MYO6: variants seen among roughly 807,000 people sequenced by gnomAD.
MYO6 encodes myosin VI, also known as unconventional myosin-VI.
A neutral mutation model predicts 178.7 loss-of-function variants in MYO6; 74 were observed. The ratio of observed to expected loss-of-function variants is 0.41; its 90% confidence interval spans 0.34 to 0.50. The LOEUF is 0.50. Ranked by LOEUF, MYO6 falls within the 20% of genes least tolerant of loss-of-function variation. The probability of loss-of-function intolerance (pLI) is 0.09; values close to 1 mark genes in which losing one functional copy is unlikely to be tolerated. For missense variants in MYO6, 1,330 were observed against 1,547.4 expected, an observed-to-expected ratio of 0.86 and a Z score of 2.36; for synonymous variants, 477 against 504.6, an observed-to-expected ratio of 0.95 and a Z score of 0.73.
chr6:75,866,275 C>CTGTGTGTGTGTG (rs10687890), intron 16 of MYO6, among the ~76,000 whole-genome samples: 1,194 of 119,186 alleles, frequency 0.01, 4 homozygotes, highest in Middle Eastern at 0.024. Context: ...GTCTCTGTCT[C>CTGTGTGTGTGTG]TGTGTGTGTG....
chr6:75,862,145 G>A (rs1168087577), intron 15 of MYO6, among the ~76,000 whole-genome samples: 1 of 152,186 alleles, frequency 6.6e-6, no homozygotes. Context: ...AATTTCAAAC[G>A]AATGGAAAGA....
At position 75,915,023 on chromosome 6, in the gene MYO6, C is replaced by G; in HGVS notation, c.*11C>G. ...AGTCTGTTAAAGTAGATGTTGCACA[C>G]CAGCCTTACAGCTGGGAGCCTTTGC... is the stretch of plus-strand genomic sequence containing the variant. On this transcript the variant is annotated 3_prime_UTR_variant, in exon 35 of 35. Coordinates refer to ENST00000369977, the MANE Select transcript of MYO6 (RefSeq NM_004999.4). 6.2e-7 allele frequency: 1 copy of G among 1,608,574 alleles called. No homozygotes were observed. The highest frequency in any genetic ancestry group is 2.2e-5 in the East Asian group (1 of 44,748).
At chr6:75,790,337 G>A (rs1479562912) in intron 1 of MYO6, among the ~76,000 whole-genome samples, 2 of 147,452 alleles carry the variant, frequency 1.4e-5, no homozygotes, top group African/African-American at 2.5e-5. Flanking sequence ...CAATAAATTT[G>A]TTTTCTAATT....
intron 33 of MYO6, among the ~76,000 whole-genome samples, chr6:75,912,642 A>G (rs1780848042): frequency 6.6e-6 from 1 of 152,092 alleles, no homozygotes; most frequent in Admixed American, 6.5e-5. Context: ...AATTTCCTGT[A>G]AACTGGACAT....
chr6:75,787,676 TTCTCTCTCTCTCTCTCTCTCTC>T lies in MYO6; in HGVS notation c.-47-29791_-47-29770del, dbSNP rs765565236. On this transcript the variant is annotated intron_variant, in intron 1 of 34. Coordinates refer to ENST00000369977, the MANE Select transcript of MYO6 (RefSeq NM_004999.4). ...ATATATATATGGGGGAATGGAACTA[TTCTCTCTCTCTCTCTCTCTCTC>T]TCTCTCTCTCTCTCTCTCTCTCTCT... Among the ~76,000 whole-genome samples, 196 of 24,988 alleles carry T rather than the reference TTCTCTCTCTCTCTCTCTCTCTC, an allele frequency of 7.8e-3. 4 individuals are homozygous for T. Among genetic ancestry groups the T allele is most frequent in the African/African-American group, 0.027 (116 of 4,282 alleles). The allele number at this position is 24,988 out of a possible 152,430, so 16.4% of individuals were successfully genotyped here. A position where few individuals can be genotyped will look rare whatever the true frequency, so the allele number is the denominator to read the frequency against.
In MYO6 at chr6:75,840,695, A is replaced by G; in HGVS notation, c.651+13A>G. ...TTTTAATGAAAAGGTAAGTGAGAGT[A>G]AGCTTTGGAATGATATTTTTGGGGA... On this transcript the variant is annotated intron_variant, in intron 8 of 34. Transcript: ENST00000369977. 2 of 1,576,324 alleles carry G rather than the reference A, an allele frequency of 1.3e-6. No individual in the cohort carries two copies. The highest frequency in any genetic ancestry group is 1.7e-6 in the Non-Finnish European group (2 of 1,146,090).
intron 1 of MYO6, among the ~76,000 whole-genome samples, chr6:75,776,521 C>T (rs552907205): frequency 6.6e-6 from 1 of 152,146 alleles, no homozygotes; most frequent in Non-Finnish European, 1.5e-5. Flanking sequence ...CAAAATAATA[C>T]AGCGGTTGGC....
chr6:75,863,896 C>G (rs1020561931), intron 16 of MYO6, among the ~76,000 whole-genome samples: 5 of 152,110 alleles, frequency 3.3e-5, no homozygotes, highest in African/African-American at 1.2e-4. Context: ...CTGTGTTCAC[C>G]TCTTCTGAAC....
At chr6:75,767,297 A>T (rs1484137903) in intron 1 of MYO6, among the ~76,000 whole-genome samples, 1 of 152,030 alleles carries the variant, frequency 6.6e-6, no homozygotes, top group Non-Finnish European at 1.5e-5. Flanking sequence ...GAGTGTTGGG[A>T]TTACAGCCGT....
At chr6:75,796,329 T>C (rs907721928) in intron 1 of MYO6, among the ~76,000 whole-genome samples, 1 of 152,202 alleles carries the variant, frequency 6.6e-6, no homozygotes, top group Non-Finnish European at 1.5e-5. Flanking sequence ...CATACTTTTT[T>C]CCCCCTTCTT....
At chr6:75,826,119 C>T (rs778096465) in intron 3 of MYO6, among the ~76,000 whole-genome samples, 1 of 152,142 alleles carries the variant, frequency 6.6e-6, no homozygotes, top group African/African-American at 2.4e-5. Flanking sequence ...ATTTGTGAGG[C>T]CCTTGTGGAC....
intron 9 of MYO6, 40 bp downstream of exon 9, chr6:75,841,418 G>T (rs1460841643): frequency 6.3e-7 from 1 of 1,582,946 alleles, no homozygotes; most frequent in East Asian, 2.2e-5. Context: ...GCCAGGTGCA[G>T]TGGCTCATGC....
chr6:75,805,473 T>C (rs1226385103), intron 1 of MYO6, among the ~76,000 whole-genome samples: 1 of 152,200 alleles, frequency 6.6e-6, no homozygotes, highest in Non-Finnish European at 1.5e-5. Flanking sequence ...TATAGTGGTG[T>C]ATGTTTTTGT....
intron 1 of MYO6, among the ~76,000 whole-genome samples, chr6:75,783,490 T>C (rs994816335): frequency 6.6e-6 from 1 of 152,146 alleles, no homozygotes; most frequent in African/African-American, 2.4e-5. Context: ...TAGAGGTCTT[T>C]ATTTTAATAA....
intron 1 of MYO6, among the ~76,000 whole-genome samples, chr6:75,779,056 CAAAAAAA>C (rs142469441): frequency 1.5e-4 from 10 of 64,554 alleles, no homozygotes; most frequent in African/African-American, 3.3e-4. Context: ...GACTTTGTCT[CAAAAAAA>C]AAAAAAAAAA....
intron 1 of MYO6, among the ~76,000 whole-genome samples, chr6:75,779,852 C>T (rs1766780751): frequency 6.6e-6 from 1 of 152,220 alleles, no homozygotes; most frequent in South Asian, 2.1e-4. Context: ...TAGCTTGTTA[C>T]ACTTTTCATT....
At chr6:75,846,850 C>T (rs989462407) in intron 10 of MYO6, among the ~76,000 whole-genome samples, 4 of 152,062 alleles carry the variant, frequency 2.6e-5, no homozygotes, top group Non-Finnish European at 4.4e-5. Flanking sequence ...AAATTGCCCT[C>T]TTATTCTAGA....
intron 1 of MYO6, among the ~76,000 whole-genome samples, chr6:75,793,738 C>T (rs1361611625): frequency 1.3e-5 from 2 of 152,130 alleles, no homozygotes; most frequent in Admixed American, 6.6e-5. Context: ...AAACATTGGA[C>T]TTCTTGATAA....
In MYO6 at chr6:75,858,888, T is replaced by G. The variant is rs1364825966; in HGVS notation, c.1382-14T>G. 4 of 1,537,718 alleles carry G rather than the reference T, an allele frequency of 2.6e-6. No individual in the cohort carries two copies. Among genetic ancestry groups the G allele is most frequent in the Non-Finnish European group, 3.6e-6 (4 of 1,113,598 alleles). On this transcript the variant is annotated splice_polypyrimidine_tract_variant and intron_variant, in intron 13 of 34. Coordinates refer to ENST00000369977, the MANE Select transcript of MYO6 (RefSeq NM_004999.4). ...ATCTCATAATGACTCTTGGTTCTGG[T>G]TTTATATTTTCAGAGTACTTTGAGC...
Sources: allele counts gnomAD v4.1 joint callset (sites outside exome capture counted in the v4.1 genomes callset), GRCh38; gene constraint gnomAD v4.1.1; transcripts MANE v1.5; gene names NCBI Gene and HGNC (gene_info 2026-07-23, HGNC 2026-07-21).